Variants in ACYP2 observed in about 807,000 individuals in gnomAD.
ACYP2 encodes acylphosphatase-2.
In ACYP2, 12 loss-of-function variants were observed where a neutral mutation model predicts 11.2. That is an observed-to-expected ratio of 1.08 (90% confidence interval 0.69 to 1.74). The LOEUF (loss-of-function observed/expected upper bound fraction) is 1.74, where lower values mean the gene tolerates loss of function less well. Ranked by LOEUF, ACYP2 falls within the 40% of genes most tolerant of loss-of-function variation. ACYP2 has a pLI of 0.00. For missense variants in ACYP2, 134 were observed against 101.9 expected (o/e 1.31, Z -1.35); for synonymous variants, 43 against 32.2 (o/e 1.33, Z -1.13).
At chr2:54,226,649 G>A (rs1440811287) in intron 6 of ACYP2, among the ~76,000 whole-genome samples, 1 of 152,198 alleles carries the variant, frequency 6.6e-6, no homozygotes, top group Non-Finnish European at 1.5e-5. Context: ...ATGTGACAGA[G>A]GTCAGCCCTG....
At chr2:54,026,851 A>C (rs1184376856) in intron 2 of ACYP2, among the ~76,000 whole-genome samples, 1 of 144,526 alleles carries the variant, frequency 6.9e-6, no homozygotes, top group Admixed American at 6.8e-5. Context: ...ATGGGAGCTA[A>C]GTTATAAGGA....
At chr2:54,067,011 A>G (rs773970651) in intron 4 of ACYP2, among the ~76,000 whole-genome samples, 2 of 152,244 alleles carry the variant, frequency 1.3e-5, no homozygotes, top group Non-Finnish European at 2.9e-5. Context: ...ACTTGGGCAG[A>G]TCAGTTGACA....
chr2:53,999,871 A>G (rs899866044), intron 2 of ACYP2, among the ~76,000 whole-genome samples: 2 of 152,140 alleles, frequency 1.3e-5, no homozygotes, highest in African/African-American at 4.8e-5. Flanking sequence ...TTAAAACCCC[A>G]TGCAAATTAA....
At chr2:53,978,781 G>C (rs752148101) in intron 2 of ACYP2, among the ~76,000 whole-genome samples, 1 of 152,168 alleles carries the variant, frequency 6.6e-6, no homozygotes, top group East Asian at 1.9e-4. Flanking sequence ...ACATTAGCCA[G>C]GTATGGTGGC....
intron 6 of ACYP2, among the ~76,000 whole-genome samples, chr2:54,161,772 C>T (rs146189719): frequency 7.5e-4 from 114 of 152,126 alleles, no homozygotes; most frequent in African/African-American, 2.3e-3. Context: ...TGTAAGAATA[C>T]GTATTTTTAA....
intron 4 of ACYP2, among the ~76,000 whole-genome samples, chr2:54,073,268 T>C (rs1677159102): frequency 1.3e-5 from 2 of 152,032 alleles, no homozygotes; most frequent in Admixed American, 6.6e-5. Flanking sequence ...AGTGCATGCC[T>C]GTAGTCCCAG....
At chr2:54,223,836 G>A (rs1174525371) in intron 6 of ACYP2, among the ~76,000 whole-genome samples, 3 of 152,092 alleles carry the variant, frequency 2.0e-5, no homozygotes, top group Non-Finnish European at 2.9e-5. Flanking sequence ...ACCTTATCTT[G>A]AGCTTGTGGG....
chr2:54,229,854 C>G, intron 6 of ACYP2, among the ~76,000 whole-genome samples: 1 of 152,134 alleles, frequency 6.6e-6, no homozygotes, highest in Non-Finnish European at 1.5e-5. Context: ...AGTGTTGTTT[C>G]CATCAAAAAT....
chr2:54,232,144 C>T (rs1047636037), intron 6 of ACYP2, among the ~76,000 whole-genome samples: 5 of 152,076 alleles, frequency 3.3e-5, no homozygotes, highest in African/African-American at 1.2e-4. Context: ...GAATTTTTTT[C>T]ATATACACAA....
intron 6 of ACYP2, chr2:54,255,835 G>C (rs1384167182): frequency 6.2e-7 from 1 of 1,613,994 alleles, no homozygotes; most frequent in Admixed American, 1.7e-5. Context: ...GCCGTCAGTT[G>C]TCAGCGAGGC....
chr2:54,180,386 T>C (rs549659056), intron 6 of ACYP2, among the ~76,000 whole-genome samples: 3 of 152,176 alleles, frequency 2.0e-5, no homozygotes, highest in Admixed American at 6.6e-5. Context: ...TTAAACCTGT[T>C]ATCATGCCTT....
At position 54,121,446 on chromosome 2, in the gene ACYP2, G is replaced by A. The variant is rs140933818; in HGVS notation, c.278-14007G>A. ...GAAGGTCTGGTTTCACCGGAGACCT[G>A]TCCCTGTCTACCGAGGAATTTGTCT... On this transcript the variant is annotated intron_variant, in intron 4 of 6. Transcript: ENST00000607452. 2.3e-3 allele frequency among the ~76,000 whole-genome samples: 350 copies of A among 152,314 alleles called. 1 individual carries two copies. Among genetic ancestry groups the A allele is most frequent in the Admixed American group, 4.8e-3 (73 of 15,298 alleles).
chr2:54,198,493 C>T (rs1684612069), intron 6 of ACYP2, among the ~76,000 whole-genome samples: 1 of 151,404 alleles, frequency 6.6e-6, no homozygotes, highest in African/African-American at 2.4e-5. Context: ...GTTCAAAAAG[C>T]AGGGGGAAGA....
At chr2:54,198,734 A>G (rs1348932691) in intron 6 of ACYP2, among the ~76,000 whole-genome samples, 1 of 152,218 alleles carries the variant, frequency 6.6e-6, no homozygotes, top group African/African-American at 2.4e-5. Flanking sequence ...ATGAACAAAA[A>G]CCAATAAATC....
rs72800717 is a variant in ACYP2, at chr2:54,039,313, G to A, written c.63-11645G>A. On this transcript the variant is annotated intron_variant, in intron 2 of 6. Coordinates refer to ENST00000607452, the MANE Select transcript of ACYP2 (RefSeq NM_001320586.2). ...TTTTTCCTTTTTTTTGGCGGGGGGGGACAGGGTCCCACTCTGTGGCCCAGG... is the reference window on the plus strand; with the variant it reads ...TTTTTCCTTTTTTTTGGCGGGGGGGAACAGGGTCCCACTCTGTGGCCCAGG... Among the ~76,000 whole-genome samples the A allele has an allele frequency of 3.0e-3, 449 of 150,054 alleles. 1 individual carries two copies. The highest frequency in any genetic ancestry group is 5.4e-3 in the Non-Finnish European group (365 of 67,698).
chr2:53,973,909 T>TA lies in ACYP2; in HGVS notation c.62+99_62+100insA, dbSNP rs1558445496. ...TGTGTGTGTGTGTGTGTGTATATATTTTTTTTTTTTTTTTTTTTTTTGAGT... is the reference window on the plus strand; with the variant it reads ...TGTGTGTGTGTGTGTGTGTATATATTATTTTTTTTTTTTTTTTTTTTTGAGT... On this transcript the variant is annotated intron_variant, in intron 2 of 6. Coordinates refer to ENST00000607452, the MANE Select transcript of ACYP2 (RefSeq NM_001320586.2). 3.9e-3 allele frequency: 275 copies of TA among 70,316 alleles called. 8 individuals are homozygous for TA. Among genetic ancestry groups the TA allele is most frequent in the Non-Finnish European group, 6.0e-3 (225 of 37,756 alleles). The allele number at this position is 70,316 out of a possible 1,614,324, so 4.4% of individuals were successfully genotyped here.
At chr2:54,272,071 TC>T (rs1402915320) in intron 6 of ACYP2, among the ~76,000 whole-genome samples, 3 of 152,186 alleles carry the variant, frequency 2.0e-5, no homozygotes, top group Non-Finnish European at 4.4e-5. Flanking sequence ...TGAAGCACCT[TC>T]TTTTCATGGA....
chr2:54,054,737 A>C (rs983743091), intron 3 of ACYP2, among the ~76,000 whole-genome samples: 4 of 152,338 alleles, frequency 2.6e-5, no homozygotes, highest in Admixed American at 2.0e-4. Flanking sequence ...GATTGCCCAC[A>C]ATCATATATC....
At chr2:54,059,968 C>G (rs937029798) in intron 4 of ACYP2, among the ~76,000 whole-genome samples, 4 of 152,208 alleles carry the variant, frequency 2.6e-5, no homozygotes, top group Non-Finnish European at 5.9e-5. Flanking sequence ...CCTCCCATCC[C>G]CAGTCCTCTA....
Sources: allele counts gnomAD v4.1 joint callset (sites outside exome capture counted in the v4.1 genomes callset), GRCh38; gene constraint gnomAD v4.1.1; transcripts MANE v1.5; gene names NCBI Gene and HGNC (gene_info 2026-07-23, HGNC 2026-07-21).